The following C8orf34 variants were observed in gnomAD, a reference collection of about 807,000 sequenced individuals.
The protein encoded by C8orf34 is uncharacterized protein C8orf34.
Under a neutral mutation model 68.3 loss-of-function variants are expected in C8orf34, and 65 were observed. That is an observed-to-expected ratio of 0.95 (90% CI 0.78 to 1.17). The LOEUF is 1.17. Ranked by LOEUF, C8orf34 falls within the 50% of genes most tolerant of loss-of-function variation. C8orf34 has a pLI of 0.00. For missense variants in C8orf34, 664 were observed against 655.4 expected, an observed-to-expected ratio of 1.01 and a Z score of -0.14; for synonymous variants, 244 against 241.2, an observed-to-expected ratio of 1.01 and a Z score of -0.11.
intron 7 of C8orf34, among the ~76,000 whole-genome samples, chr8:68,570,821 G>A (rs1026624473): frequency 5.3e-5 from 8 of 152,134 alleles, no homozygotes; most frequent in Non-Finnish European, 8.8e-5. Context: ...GCACATTAAG[G>A]TACGAGAAGC....
intron 7 of C8orf34, among the ~76,000 whole-genome samples, chr8:68,546,364 C>A (rs562177526): frequency 1.3e-5 from 2 of 151,790 alleles, no homozygotes; most frequent in South Asian, 2.1e-4. Flanking sequence ...ATAAAGTTAG[C>A]AAAAGAATTA....
intron 1 of C8orf34, among the ~76,000 whole-genome samples, chr8:68,370,526 C>A (rs907839490): frequency 7.9e-5 from 12 of 152,142 alleles, no homozygotes; most frequent in African/African-American, 2.4e-4. Flanking sequence ...TTTTTAAATT[C>A]TTTCATGAGG....
chr8:68,587,072 G>A (rs1817231561), intron 7 of C8orf34, among the ~76,000 whole-genome samples: 1 of 152,166 alleles, frequency 6.6e-6, no homozygotes, highest in Admixed American at 6.6e-5. Flanking sequence ...AGGTAAATTT[G>A]ATGACAGGAA....
At chr8:68,607,354 T>A (rs1245606729) in intron 7 of C8orf34, among the ~76,000 whole-genome samples, 3 of 152,040 alleles carry the variant, frequency 2.0e-5, no homozygotes, top group African/African-American at 4.8e-5. Flanking sequence ...GATCAAGGTG[T>A]CGGCAGGGTT....
At chr8:68,360,743 C>T (rs1806949048) in intron 1 of C8orf34, among the ~76,000 whole-genome samples, 1 of 149,410 alleles carries the variant, frequency 6.7e-6, no homozygotes, top group Non-Finnish European at 1.5e-5. Context: ...TTCCCTTTTC[C>T]TTTTCTTCCT....
At chr8:68,646,472 A>G (rs1018757566) in intron 8 of C8orf34, among the ~76,000 whole-genome samples, 3 of 152,144 alleles carry the variant, frequency 2.0e-5, no homozygotes, top group African/African-American at 7.2e-5. Flanking sequence ...TGGTAAAAAC[A>G]CTTAAAATCT....
At chr8:68,391,308 G>C (rs749747666) in intron 1 of C8orf34, among the ~76,000 whole-genome samples, 1 of 152,122 alleles carries the variant, frequency 6.6e-6, no homozygotes, top group African/African-American at 2.4e-5. Flanking sequence ...GCCATGTGTA[G>C]GACAACCAGA....
At chr8:68,335,816 A>C (rs1442914853) in intron 1 of C8orf34, among the ~76,000 whole-genome samples, 1 of 152,214 alleles carries the variant, frequency 6.6e-6, no homozygotes, top group Non-Finnish European at 1.5e-5. Flanking sequence ...ATGGTGGTTC[A>C]TGCCTGTAGT....
chr8:68,808,773 TC>T (rs1371997981), intron 12 of C8orf34, among the ~76,000 whole-genome samples: 2 of 152,020 alleles, frequency 1.3e-5, no homozygotes, highest in Admixed American at 1.3e-4. Flanking sequence ...TCCGCAGGGG[TC>T]TTGGAACCCA....
rs1586332405 is a variant in C8orf34, at chr8:68,532,990, A to G, written c.946A>G (p.Met316Val). Residue 316 changes from methionine to valine, a missense_variant, in exon 7 of 14, where the codon ATG (methionine) becomes GTG (valine). Coordinates refer to ENST00000518698, the MANE Select transcript of C8orf34 (RefSeq NM_052958.4). The part of the protein sequence containing the change: ...SGSSPAGSLK[M>V]EPKNKGLKQQ... Reference sequence around the variant, plus strand: ...ATTTAAATATTTCTTCAGCTTAAAGATGGAGCCTAAGAACAAAGGATTAAA... The same window carrying G: ...ATTTAAATATTTCTTCAGCTTAAAGGTGGAGCCTAAGAACAAAGGATTAAA... The G allele has an allele frequency of 1.9e-6, 3 of 1,581,814 alleles. No homozygotes were observed. Among genetic ancestry groups the G allele is most frequent in the South Asian group, 2.3e-5 (2 of 86,268 alleles).
intron 2 of C8orf34, among the ~76,000 whole-genome samples, chr8:68,442,084 T>TTA (rs1327899099): frequency 9.9e-5 from 15 of 152,082 alleles, no homozygotes; most frequent in African/African-American, 3.6e-4. Context: ...AAATTTATAG[T>TTA]TAGAGTGTAG....
intron 8 of C8orf34, among the ~76,000 whole-genome samples, chr8:68,676,401 T>C (rs189145654): frequency 9.2e-5 from 14 of 152,116 alleles, no homozygotes; most frequent in Admixed American, 2.6e-4. Flanking sequence ...TAGAGCTAAA[T>C]AAAGGGATAG....
chr8:68,656,798 G>C (rs996706491), intron 8 of C8orf34, among the ~76,000 whole-genome samples: 1 of 152,092 alleles, frequency 6.6e-6, no homozygotes, highest in Middle Eastern at 3.4e-3. Flanking sequence ...CCCCAAGTAG[G>C]TTTCTCCCTT....
chr8:68,723,152 C>T (rs533428697), intron 10 of C8orf34, among the ~76,000 whole-genome samples: 1 of 152,182 alleles, frequency 6.6e-6, no homozygotes, highest in South Asian at 2.1e-4. Flanking sequence ...CTTGTAGAAA[C>T]AGTTTATTCC....
rs577288311 is a variant in C8orf34 at position 68,514,878 on chromosome 8, T to C, written c.766-6921T>C. 1.5e-4 allele frequency among the ~76,000 whole-genome samples: 23 copies of C among 152,030 alleles called. No individual in the cohort carries two copies. In the South Asian group the frequency reaches 4.6e-3, roughly 30 times the overall value. On this transcript the variant is annotated intron_variant, in intron 5 of 13. Coordinates refer to ENST00000518698, the MANE Select transcript of C8orf34 (RefSeq NM_052958.4). ...ACACAATAAGAGAAATATAAGAAAA[T>C]AGAAGTTCATCAAGGAGGGGAGTGC...
At chr8:68,690,624 G>T (rs1466926523) in intron 8 of C8orf34, among the ~76,000 whole-genome samples, 1 of 151,876 alleles carries the variant, frequency 6.6e-6, no homozygotes, top group Admixed American at 6.6e-5. Flanking sequence ...ATGTATGAGA[G>T]CTCTGCCCTC....
At chr8:68,442,417 GA>G (rs1563442448) in intron 2 of C8orf34, among the ~76,000 whole-genome samples, 1 of 152,102 alleles carries the variant, frequency 6.6e-6, no homozygotes, top group Non-Finnish European at 1.5e-5. Flanking sequence ...AAGGAAGAGA[GA>G]AAACAGTTTG....
At chr8:68,700,765 G>A (rs1044601344) in intron 8 of C8orf34, among the ~76,000 whole-genome samples, 10 of 152,070 alleles carry the variant, frequency 6.6e-5, no homozygotes, top group African/African-American at 2.4e-4. Context: ...TGATGTTGGT[G>A]ACAGTTTTGA....
chr8:68,393,764 C>T (rs1355072844), intron 1 of C8orf34, among the ~76,000 whole-genome samples: 1 of 152,098 alleles, frequency 6.6e-6, no homozygotes, highest in Non-Finnish European at 1.5e-5. Flanking sequence ...GATAGCGAAT[C>T]ATTGAAGGGC....
Sources: gnomAD v4.1 joint callset for allele counts (sites outside exome capture counted in the v4.1 genomes callset) on GRCh38, gnomAD v4.1.1 for gene constraint, MANE v1.5 for transcripts, NCBI Gene and HGNC (gene_info 2026-07-23, HGNC 2026-07-21) for gene names.